The following AGAP1 variants were observed in gnomAD, a reference collection of about 807,000 sequenced individuals.
AGAP1 encodes arf-GAP with GTPase, ANK repeat and PH domain-containing protein 1.
A neutral mutation model predicts 105.3 loss-of-function variants in AGAP1; 29 were observed. The observed-to-expected ratio is 0.28, with a 90% confidence interval of 0.21 to 0.38. The LOEUF is 0.38. Ranked by LOEUF, AGAP1 falls within the 10% of genes least tolerant of loss-of-function variation. The probability of loss-of-function intolerance (pLI) is 1.00; values close to 1 mark genes in which losing one functional copy is unlikely to be tolerated. For synonymous variants in AGAP1, 509 were observed against 485.9 expected (o/e 1.05, Z -0.63); for missense variants, 998 against 1,165.1 (o/e 0.86, Z 2.09).
rs1190009545 is a variant in AGAP1 at position 235,582,231 on chromosome 2, G to C, written c.163+87382G>C. Among the ~76,000 whole-genome samples the C allele has an allele frequency of 6.6e-6, 1 of 152,176 alleles. No homozygotes were observed. Among genetic ancestry groups the C allele is most frequent in the African/African-American group, 2.4e-5 (1 of 41,438 alleles). Reference sequence around the variant, plus strand: ...TTTTGACCCATTCTTGCCCCAGCTTGAGCCTGACCTTTGGCAGGTCCAGGA... The same window carrying C: ...TTTTGACCCATTCTTGCCCCAGCTTCAGCCTGACCTTTGGCAGGTCCAGGA... On this transcript the variant is annotated intron_variant, in intron 1 of 17. Transcript: ENST00000304032. This position sits in a 1 kb window ranked among gnomAD's most constrained non-coding sequence, Gnocchi z 4.7.
chr2:236,051,419 G>A lies in AGAP1; in HGVS notation c.2114+2138G>A, dbSNP rs2057890776. Among the ~76,000 whole-genome samples the A allele has an allele frequency of 6.6e-6, 1 of 152,184 alleles. No individual in the cohort carries two copies. The highest frequency in any genetic ancestry group is 2.4e-5 in the African/African-American group (1 of 41,450). On this transcript the variant is annotated intron_variant, in intron 16 of 17. Coordinates refer to ENST00000304032, the MANE Select transcript of AGAP1 (RefSeq NM_001037131.3). This position sits in a 1 kb window ranked among gnomAD's most constrained non-coding sequence, Gnocchi z 5.9. ...GCCAGGGCTCGGGAGGGTGCATTCT[G>A]GGAGGTGTCACTGGAGAAATGGCAT...
intron 1 of AGAP1, among the ~76,000 whole-genome samples, chr2:235,677,906 C>CAAAAAAAAAAAAAA (rs61111847): frequency 1.6e-5 from 1 of 62,998 alleles, no homozygotes; most frequent in Non-Finnish European, 3.2e-5. Flanking sequence ...AGCTCTTTAC[C>CAAAAAAAAAAAAAA]AAAAAAAAAA....
chr2:235,859,111 G>A (rs1009569276), intron 9 of AGAP1, among the ~76,000 whole-genome samples: 2 of 152,116 alleles, frequency 1.3e-5, no homozygotes, highest in African/African-American at 2.4e-5. Context: ...ATGGTGCTCG[G>A]CGGCTGCTGA....
At position 235,712,661 on chromosome 2, in the gene AGAP1, G is replaced by T. The variant is rs542166368; in HGVS notation, c.222+3424G>T. 6.6e-6 allele frequency among the ~76,000 whole-genome samples: 1 copy of T among 152,212 alleles called. No individual in the cohort carries two copies. Among genetic ancestry groups the T allele is most frequent in the Admixed American group, 6.5e-5 (1 of 15,282 alleles). The stretch of plus-strand genomic sequence containing the variant: ...CTTTGGCCTTGTGATGTGAAGGGCC[G>T]AGTATGGGTTCCAACGCACTTCATG... On this transcript the variant is annotated intron_variant, in intron 2 of 17. Coordinates refer to ENST00000304032, the MANE Select transcript of AGAP1 (RefSeq NM_001037131.3). This position sits in a 1 kb window ranked among gnomAD's most constrained non-coding sequence, Gnocchi z 6.0.
intron 1 of AGAP1, among the ~76,000 whole-genome samples, chr2:235,702,891 T>A (rs958965336): frequency 6.7e-6 from 1 of 150,046 alleles, no homozygotes; most frequent in African/African-American, 2.4e-5. Flanking sequence ...TAGTTTGTTT[T>A]ACTCCATGTG....
At chr2:235,851,617 A>G (rs2048462241) in intron 9 of AGAP1, among the ~76,000 whole-genome samples, 1 of 152,166 alleles carries the variant, frequency 6.6e-6, no homozygotes, top group East Asian at 1.9e-4. Flanking sequence ...CCGCGGCAGC[A>G]TACTCTAGGC....
intron 16 of AGAP1, among the ~76,000 whole-genome samples, chr2:236,085,695 G>A (rs1307589540): frequency 2.6e-5 from 4 of 152,376 alleles, no homozygotes; most frequent in East Asian, 1.9e-4. Context: ...AAGAGGGTTA[G>A]GCTGAGTCCC....
chr2:236,039,170 C>T (rs2057472940), intron 14 of AGAP1, among the ~76,000 whole-genome samples: 1 of 152,146 alleles, frequency 6.6e-6, no homozygotes, highest in Non-Finnish European at 1.5e-5. Flanking sequence ...ATCAGCCAGA[C>T]ACGATGGTTC....
At chr2:235,854,428 G>A (rs1250404100) in intron 9 of AGAP1, among the ~76,000 whole-genome samples, 2 of 152,240 alleles carry the variant, frequency 1.3e-5, no homozygotes, top group African/African-American at 4.8e-5. Flanking sequence ...AGCTTGGCAT[G>A]AGATGGGCCA....
In AGAP1 at chr2:235,769,833, G is replaced by T. The variant is rs1361954242; in HGVS notation, c.673+19345G>T. Among the ~76,000 whole-genome samples, 2 of 152,196 alleles carry T rather than the reference G, an allele frequency of 1.3e-5. No individual in the cohort carries two copies. The highest frequency in any genetic ancestry group is 2.9e-5 in the Non-Finnish European group (2 of 68,042). On this transcript the variant is annotated intron_variant, in intron 6 of 17. Transcript: ENST00000304032. The surrounding 1 kb of genome is among the most constrained non-coding windows in gnomAD (Gnocchi z 4.4). ...GTTAGCTGAGTTCTGCTTTGGCACA[G>T]GGGAGGGAGGACATGGCCCTCGGCT...
intron 1 of AGAP1, among the ~76,000 whole-genome samples, chr2:235,606,485 T>A (rs1233674686): frequency 6.6e-6 from 1 of 152,232 alleles, no homozygotes; most frequent in East Asian, 1.9e-4. Context: ...ATGTTTGGAA[T>A]GTCTAGTATC....
Position 236,014,796 on chromosome 2 carries a change from G to A in AGAP1, c.1646-21765G>A, listed in dbSNP as rs1340162712. 4.5e-6 allele frequency: 2 copies of A among 442,642 alleles called. No individual in the cohort carries two copies. Among genetic ancestry groups the A allele is most frequent in the Non-Finnish European group, 4.6e-6 (1 of 216,452 alleles). 27.4% of individuals were successfully genotyped at this position (442,642 alleles called of 1,614,324 possible). A position where few individuals can be genotyped will look rare whatever the true frequency, so the allele number is the denominator to read the frequency against. On this transcript the variant is annotated intron_variant, in intron 13 of 17. Coordinates refer to ENST00000304032, the MANE Select transcript of AGAP1 (RefSeq NM_001037131.3). The surrounding 1 kb of genome is among the most constrained non-coding windows in gnomAD (Gnocchi z 6.3). ...TTTCCCCTCTCCCCTTTCTGCTCTC[G>A]GGATGCAGCCAAACGCAAAGCATGG...
At chr2:235,944,770 G>A (rs2053412989) in intron 12 of AGAP1, among the ~76,000 whole-genome samples, 1 of 152,156 alleles carries the variant, frequency 6.6e-6, no homozygotes. Context: ...CAATCAGAAG[G>A]CAGTGGCAGC....
Position 235,769,938 on chromosome 2 carries a change from C to T in AGAP1, c.673+19450C>T, listed in dbSNP as rs115778014. ...ACATGTATTTCTATTAAGATACACACTTATGTATGTTTCATATATTAGCAA... is the reference window on the plus strand; with the variant it reads ...ACATGTATTTCTATTAAGATACACATTTATGTATGTTTCATATATTAGCAA... On this transcript the variant is annotated intron_variant, in intron 6 of 17. Transcript: ENST00000304032. This position sits in a 1 kb window ranked among gnomAD's most constrained non-coding sequence, Gnocchi z 4.4. 0.019 allele frequency among the ~76,000 whole-genome samples: 2,887 copies of T among 152,288 alleles called. 93 individuals carry two copies. The highest frequency in any genetic ancestry group is 0.066 in the African/African-American group (2,763 of 41,550).
chr2:235,653,670 A>G (rs1313229738), intron 1 of AGAP1, among the ~76,000 whole-genome samples: 1 of 152,190 alleles, frequency 6.6e-6, no homozygotes, highest in Non-Finnish European at 1.5e-5. Flanking sequence ...GATAGGTTTA[A>G]AAAACAATGT....
chr2:235,983,155 G>A lies in AGAP1; in HGVS notation c.1645+14532G>A, dbSNP rs1220503868. 1.3e-5 allele frequency among the ~76,000 whole-genome samples: 2 copies of A among 152,134 alleles called. No homozygotes were observed. The highest frequency in any genetic ancestry group is 2.9e-5 in the Non-Finnish European group (2 of 68,014). ...TCCCAGGATGCTGGGGCTGGTGGAC[G>A]ACCCCAGAGAAGGGACAGGATGGGG... On this transcript the variant is annotated intron_variant, in intron 13 of 17. Transcript: ENST00000304032. This position sits in a 1 kb window ranked among gnomAD's most constrained non-coding sequence, Gnocchi z 4.5.
rs1239270819 is a variant in AGAP1, at chr2:235,663,457, C to G, written c.164-45722C>G. On this transcript the variant is annotated intron_variant, in intron 1 of 17. Coordinates refer to ENST00000304032, the MANE Select transcript of AGAP1 (RefSeq NM_001037131.3). This position sits in a 1 kb window ranked among gnomAD's most constrained non-coding sequence, Gnocchi z 5.4. ...ATCAAATATTCAAGTCCCCTGGGCA[C>G]AGATAAAAGAGTTTTCAGATATCTC... Among the ~76,000 whole-genome samples, 1 of 152,122 alleles carries G rather than the reference C, an allele frequency of 6.6e-6. No homozygotes were observed. Among genetic ancestry groups the G allele is most frequent in the Non-Finnish European group, 1.5e-5 (1 of 68,028 alleles).
At chr2:235,565,031 G>A (rs1559252218) in intron 1 of AGAP1, among the ~76,000 whole-genome samples, 2 of 148,406 alleles carry the variant, frequency 1.3e-5, no homozygotes, top group Non-Finnish European at 3.0e-5. Flanking sequence ...ACAGGGTCAT[G>A]TGTGAGCCTG....
In AGAP1 at chr2:235,879,052, C is replaced by T. The variant is rs538470380; in HGVS notation, c.1051-4293C>T. Among the ~76,000 whole-genome samples, 1 of 152,306 alleles carries T rather than the reference C, an allele frequency of 6.6e-6. No individual in the cohort carries two copies. Among genetic ancestry groups the T allele is most frequent in the African/African-American group, 2.4e-5 (1 of 41,570 alleles). On this transcript the variant is annotated intron_variant, in intron 9 of 17. Coordinates refer to ENST00000304032, the MANE Select transcript of AGAP1 (RefSeq NM_001037131.3). The surrounding 1 kb of genome is among the most constrained non-coding windows in gnomAD (Gnocchi z 5.0). ...CATCAGTAGGAACAGGAGACTTTGG[C>T]AGCCCAGCAGCCCAGTGTCCTGGCA... is the stretch of plus-strand genomic sequence containing the variant.
Sources: allele counts gnomAD v4.1 joint callset (sites outside exome capture counted in the v4.1 genomes callset), GRCh38; gene constraint gnomAD v4.1.1; non-coding constraint Gnocchi (gnomAD v3.1); transcripts MANE v1.5; gene names NCBI Gene and HGNC (gene_info 2026-07-23, HGNC 2026-07-21).